The following SAMD4B variants were observed in gnomAD, a reference collection of about 807,000 sequenced individuals.
The protein encoded by SAMD4B is sterile alpha motif domain containing 4B.
Under a neutral mutation model 74.5 loss-of-function variants are expected in SAMD4B, and 5 were observed. That is an observed-to-expected ratio of 0.07 (90% CI 0.04 to 0.14). The LOEUF (loss-of-function observed/expected upper bound fraction) is 0.14, where lower values mean the gene tolerates loss of function less well. SAMD4B is among the 10% of genes least tolerant of loss of function. The pLI, the probability that SAMD4B is intolerant of heterozygous loss-of-function variation, is 1.00. For missense variants in SAMD4B, 608 were observed against 921.8 expected (o/e 0.66, Z 4.41); for synonymous variants, 373 against 374.9 (o/e 1.00, Z 0.06).
intron 3 of SAMD4B, among the ~76,000 whole-genome samples, chr19:39,366,628 G>C (rs1348040669): frequency 1.3e-5 from 2 of 152,208 alleles, no homozygotes; most frequent in African/African-American, 2.4e-5. Context: ...AGGAGTGTAT[G>C]TGAATTCTAG....
At chr19:39,368,680 G>A (rs2145659125) in intron 3 of SAMD4B, among the ~76,000 whole-genome samples, 1 of 152,348 alleles carries the variant, frequency 6.6e-6, no homozygotes, top group African/African-American at 2.4e-5. Flanking sequence ...TCGATTGGAA[G>A]GGGAGAATCT....
chr19:39,369,591 C>G (rs1247068333), intron 3 of SAMD4B, 64 bp from the exon 4 acceptor site: 1 of 1,319,318 alleles, frequency 7.6e-7, no homozygotes, highest in Non-Finnish European at 1.1e-6. Flanking sequence ...ATAGGCAGTG[C>G]TCTCAGGTGA....
At position 39,370,092 on chromosome 19, in the gene SAMD4B, G is replaced by A; in HGVS notation, c.634G>A (p.Ala212Thr). 1 of 1,603,676 alleles carries A rather than the reference G, an allele frequency of 6.2e-7. No individual in the cohort carries two copies. Among genetic ancestry groups the A allele is most frequent in the South Asian group, 1.1e-5 (1 of 89,318 alleles). The change falls in exon 4 of 14, where the codon GCC becomes ACC. Residue 212 changes from alanine (A) to threonine (T), a missense_variant. Coordinates refer to ENST00000610417, the MANE Select transcript of SAMD4B (RefSeq NM_001384574.2). ...CCACCCATCCAGCTCAGTGCCGCCA[G>A]CCATCAACAGTATTGGGAGCAATGC... ...PFHPSSSVPP[A>T]INSIGSNANT...
intron 4 of SAMD4B, among the ~76,000 whole-genome samples, chr19:39,371,145 G>A (rs2077269341): frequency 6.6e-6 from 1 of 152,244 alleles, no homozygotes. Flanking sequence ...GGGTGAGGGA[G>A]AGGGTTCATG....
rs542084167 is a variant in SAMD4B, at chr19:39,372,687, G to A, written c.667+2562G>A. Among the ~76,000 whole-genome samples, 12 of 152,206 alleles carry A rather than the reference G, an allele frequency of 7.9e-5. No homozygotes were observed. The East Asian group carries it at 2.3e-3, about 29-fold the overall frequency. The stretch of plus-strand genomic sequence containing the variant: ...CCACCCCAGTGCGGAGCCAAGCAGG[G>A]CTCCTCAGGAACTGCACGATCATTC... On this transcript the variant is annotated intron_variant, in intron 4 of 13. Coordinates refer to ENST00000610417, the MANE Select transcript of SAMD4B (RefSeq NM_001384574.2).
At chr19:39,388,734 G>A (rs552196054), downstream of SAMD4B, 6 of 1,606,832 alleles carry the variant, frequency 3.7e-6, no homozygotes, top group African/African-American at 6.7e-5. Flanking sequence ...GCAAGGAGCA[G>A]GCCAAGGTGG....
In SAMD4B at chr19:39,383,544, G is replaced by C. The variant is rs376021198; in HGVS notation, c.*17G>C. On this transcript the variant is annotated 3_prime_UTR_variant, in exon 14 of 14. Transcript: ENST00000610417. The surrounding 1 kb of genome is among the most constrained non-coding windows in gnomAD (Gnocchi z 4.1). ...ACCATCTGACGGGACCCACAGCCCA[G>C]CGCACCCATAGGCTCCCTGGGCGGC... The C allele has an allele frequency of 3.1e-6, 5 of 1,614,136 alleles. No homozygotes were observed. The African/African-American group carries it at 6.7e-5, about 22-fold the overall frequency.
chr19:39,381,027 T>C lies in SAMD4B; in HGVS notation c.1886T>C (p.Met629Thr), dbSNP rs745326468. 2.0e-5 allele frequency: 32 copies of C among 1,612,904 alleles called. 1 individual carries two copies. In the South Asian group the frequency reaches 3.3e-4, roughly 17 times the overall value. The change falls in exon 12 of 14, where the codon ATG (methionine) becomes ACG (threonine). Residue 629 changes from methionine to threonine, a missense_variant. Coordinates refer to ENST00000610417, the MANE Select transcript of SAMD4B (RefSeq NM_001384574.2). The stretch of plus-strand genomic sequence containing the variant: ...GCCAACCCTGGAGGCAGCAACAGCA[T>C]GCCCAGTCAGAGCCGCAGCTCTGTG... ...WFANPGGSNS[M>T]PSQSRSSVQR...
intron 1 of SAMD4B, among the ~76,000 whole-genome samples, chr19:39,353,098 T>C (rs1433275255): frequency 6.6e-6 from 1 of 152,150 alleles, no homozygotes; most frequent in Non-Finnish European, 1.5e-5. Flanking sequence ...AAATTCTTCC[T>C]TATGTTGAAG....
chr19:39,387,313 G>A (rs2078274920), downstream of SAMD4B: 2 of 288,810 alleles, frequency 6.9e-6, no homozygotes, highest in Admixed American at 6.6e-5. Context: ...CTATCTTAAG[G>A]GACCACCATA....
At chr19:39,353,224 A>G (rs925672262) in intron 1 of SAMD4B, among the ~76,000 whole-genome samples, 1 of 152,190 alleles carries the variant, frequency 6.6e-6, no homozygotes, top group South Asian at 2.1e-4. Context: ...GCAAACATTG[A>G]TAATTAATCA....
In SAMD4B at chr19:39,369,656, C is replaced by T; in HGVS notation, c.198C>T (p.Ala66=). The T allele has an allele frequency of 1.2e-6, 2 of 1,613,538 alleles. No homozygotes were observed. The highest frequency in any genetic ancestry group is 1.7e-6 in the Non-Finnish European group (2 of 1,179,652). The part of the protein sequence containing the change: ...HLLESEANSA[A]IVSQWQQESK... ...TATTTCTTCTTATCCCTTCTGTAGC[C>T]ATCGTCAGCCAGTGGCAGCAGGAGT... The change falls in exon 4 of 14, where the codon GCC becomes GCT. Residue 66 remains alanine, a splice_region_variant and synonymous_variant. Transcript: ENST00000610417.
chr19:39,363,843 TGCAG>T (rs2076794636), intron 3 of SAMD4B, among the ~76,000 whole-genome samples: 17 of 152,250 alleles, frequency 1.1e-4, no homozygotes, highest in Admixed American at 1.1e-3. Flanking sequence ...GGTTCAATTG[TGCAG>T]GTATTCGTTG....
At chr19:39,350,738 C>A (rs887649087) in intron 1 of SAMD4B, 1 of 152,062 alleles carries the variant, frequency 6.6e-6, no homozygotes, top group Non-Finnish European at 1.5e-5. Context: ...ATCCGCCCGT[C>A]TCGGCCCCCC....
At chr19:39,358,086 C>T (rs548564966) in intron 3 of SAMD4B, among the ~76,000 whole-genome samples, 6 of 152,146 alleles carry the variant, frequency 3.9e-5, no homozygotes, top group Admixed American at 2.6e-4. Context: ...GCCTGGCTAA[C>T]GTGGCAAAAC....
At chr19:39,389,918 C>T (rs2078336715), downstream of SAMD4B, 7 of 1,120,808 alleles carry the variant, frequency 6.2e-6, no homozygotes, top group South Asian at 4.0e-5. This position sits in a 1 kb window ranked among gnomAD's most constrained non-coding sequence, Gnocchi z 5.3. Flanking sequence ...GGGACTTGGA[C>T]ACTGCTTGCT....
intron 12 of SAMD4B, among the ~76,000 whole-genome samples, chr19:39,381,567 C>T (rs934605349): frequency 1.3e-5 from 2 of 152,172 alleles, no homozygotes; most frequent in East Asian, 1.9e-4. Flanking sequence ...AACCAGTGGA[C>T]TTCACCTCTT....
chr19:39,368,665 T>C (rs2077115074), intron 3 of SAMD4B, among the ~76,000 whole-genome samples: 1 of 152,158 alleles, frequency 6.6e-6, no homozygotes, highest in Non-Finnish European at 1.5e-5. Context: ...TCTGGATGTA[T>C]GGGATCGATT....
chr19:39,386,173 C>T (rs1356564496), downstream of SAMD4B: 8 of 1,614,062 alleles, frequency 5.0e-6, no homozygotes, highest in Admixed American at 1.7e-5. The surrounding 1 kb of genome is among the most constrained non-coding windows in gnomAD (Gnocchi z 6.1). Context: ...TGGGCCTGTC[C>T]TCTGTCCTCA....
Sources: allele counts gnomAD v4.1 joint callset (sites outside exome capture counted in the v4.1 genomes callset), GRCh38; gene constraint gnomAD v4.1.1; non-coding constraint Gnocchi (gnomAD v3.1); transcripts MANE v1.5; gene names NCBI Gene and HGNC (gene_info 2026-07-23, HGNC 2026-07-21).